UST: variants seen among roughly 807,000 people sequenced by gnomAD.
UST encodes chondroitin sulfate 2-O-sulfotransferase.
UST carries 21 observed loss-of-function variants against 45.6 expected under a neutral mutation model. The observed-to-expected ratio is 0.46, with a 90% confidence interval of 0.33 to 0.66. The LOEUF is 0.66. Ranked by LOEUF, UST falls within the 30% of genes least tolerant of loss-of-function variation. The pLI, the probability that UST is intolerant of heterozygous loss-of-function variation, is 0.02. For synonymous variants in UST, 215 were observed against 200.6 expected, an observed-to-expected ratio of 1.07 and a Z score of -0.61; for missense variants, 463 against 512.4, an observed-to-expected ratio of 0.90 and a Z score of 0.93.
rs80159417 is a variant in UST, at chr6:148,788,066, G to A, written c.247+40389G>A. On this transcript the variant is annotated intron_variant, in intron 1 of 7. Transcript: ENST00000367463. ...GGACTTACAGTTCCACATGGCTAGG[G>A]AGGCCTTACAATCATAGGGGAAGGT... 7.7e-3 allele frequency among the ~76,000 whole-genome samples: 1,168 copies of A among 152,294 alleles called. 16 individuals carry two copies. The highest frequency in any genetic ancestry group is 0.027 in the African/African-American group (1,103 of 41,558).
intron 7 of UST, among the ~76,000 whole-genome samples, chr6:149,024,910 C>A (rs1433095629): frequency 6.6e-6 from 1 of 151,858 alleles, no homozygotes; most frequent in Non-Finnish European, 1.5e-5. Flanking sequence ...ACACCACTGG[C>A]CATTTTTCTT....
At chr6:148,875,145 C>T (rs1471548653) in intron 1 of UST, among the ~76,000 whole-genome samples, 5 of 152,292 alleles carry the variant, frequency 3.3e-5, no homozygotes, top group East Asian at 1.9e-4. Flanking sequence ...CACAGTGTCA[C>T]GGCAGCTTCT....
intron 1 of UST, among the ~76,000 whole-genome samples, chr6:148,876,626 T>C (rs527368709): frequency 6.6e-6 from 1 of 152,144 alleles, no homozygotes; most frequent in African/African-American, 2.4e-5. Flanking sequence ...CTGAGGCTCC[T>C]TTTCACCATC....
At chr6:148,996,075 T>C (rs1184094369) in intron 5 of UST, among the ~76,000 whole-genome samples, 1 of 152,204 alleles carries the variant, frequency 6.6e-6, no homozygotes, top group Non-Finnish European at 1.5e-5. Context: ...CTACATTCAC[T>C]GAGTGTTATA....
chr6:148,756,126 G>C (rs1355150894), intron 1 of UST, among the ~76,000 whole-genome samples: 2 of 150,982 alleles, frequency 1.3e-5, no homozygotes, highest in Non-Finnish European at 2.9e-5. Flanking sequence ...TTGTCCTTGT[G>C]ATAGTTTGCT....
rs1776871291 is a variant in UST, at chr6:149,075,015, T to C, written c.*899T>C. 6.6e-6 allele frequency: 1 copy of C among 152,252 alleles called. No individual in the cohort carries two copies. Among genetic ancestry groups the C allele is most frequent in the Admixed American group, 6.5e-5 (1 of 15,278 alleles). The allele number at this position is 152,252 out of a possible 1,614,324, so 9.4% of individuals were successfully genotyped here. ...ACTCTAGCAGGGAAAATAATTTGTTTGCTGTGTAAGGAAGAATGTAGACAA... is the reference window on the plus strand; with the variant it reads ...ACTCTAGCAGGGAAAATAATTTGTTCGCTGTGTAAGGAAGAATGTAGACAA... On this transcript the variant is annotated 3_prime_UTR_variant, in exon 8 of 8. Transcript: ENST00000367463.
chr6:149,031,216 AAAAAAAAG>A (rs896554150), intron 7 of UST, among the ~76,000 whole-genome samples: 13 of 85,080 alleles, frequency 1.5e-4, no homozygotes, highest in African/African-American at 2.5e-4. Flanking sequence ...AAAAAAAAAA[AAAAAAAAG>A]TCTAAGCTGA....
intron 7 of UST, among the ~76,000 whole-genome samples, chr6:149,025,393 A>G (rs1038335868): frequency 2.6e-5 from 4 of 152,314 alleles, no homozygotes; most frequent in Admixed American, 2.6e-4. Context: ...TTAGGATAGT[A>G]AGTACTTGAG....
chr6:148,905,005 C>T (rs1779328839), intron 2 of UST, among the ~76,000 whole-genome samples: 1 of 152,200 alleles, frequency 6.6e-6, no homozygotes, highest in African/African-American at 2.4e-5. Context: ...TCCTACTCCT[C>T]CTAGTCCTCA....
chr6:148,837,529 C>G (rs76689841), intron 1 of UST, among the ~76,000 whole-genome samples: 1,978 of 152,280 alleles, frequency 0.013, 39 homozygotes, highest in African/African-American at 0.045. Context: ...AGGAAAGACT[C>G]TTTCTAACAA....
At chr6:148,772,417 C>T (rs1305558825) in intron 1 of UST, among the ~76,000 whole-genome samples, 4 of 150,420 alleles carry the variant, frequency 2.7e-5, no homozygotes, top group African/African-American at 9.7e-5. Context: ...CTTGGGTGGG[C>T]CCTTCTGACC....
chr6:148,997,303 A>G (rs1351990596), intron 5 of UST, among the ~76,000 whole-genome samples: 1 of 152,196 alleles, frequency 6.6e-6, no homozygotes, highest in Non-Finnish European at 1.5e-5. Flanking sequence ...TAGAAGAGAA[A>G]GAATCCAGGA....
At chr6:148,957,669 A>G (rs1393262536) in intron 4 of UST, among the ~76,000 whole-genome samples, 1 of 152,212 alleles carries the variant, frequency 6.6e-6, no homozygotes, top group East Asian at 1.9e-4. Context: ...TCATGGCCTC[A>G]AGTGATTTGC....
At chr6:148,996,457 G>T (rs1000170508) in intron 5 of UST, among the ~76,000 whole-genome samples, 33 of 152,326 alleles carry the variant, frequency 2.2e-4, no homozygotes, top group African/African-American at 7.2e-4. Context: ...GACCTCAGGT[G>T]ATCTGCCTGC....
rs527655060 is a variant in UST, at chr6:149,074,996, G to A, written c.*880G>A. The A allele has an allele frequency of 6.6e-6, 1 of 152,334 alleles. No individual in the cohort carries two copies. The highest frequency in any genetic ancestry group is 6.5e-5 in the Admixed American group (1 of 15,302). The allele number at this position is 152,334 out of a possible 1,614,324, so 9.4% of individuals were successfully genotyped here. ...TGCTGACAGATATCAAAGTACTCTA[G>A]CAGGGAAAATAATTTGTTTGCTGTG... On this transcript the variant is annotated 3_prime_UTR_variant, in exon 8 of 8. Transcript: ENST00000367463.
intron 4 of UST, among the ~76,000 whole-genome samples, chr6:148,960,282 T>G (rs1780625207): frequency 6.6e-6 from 1 of 152,010 alleles, no homozygotes; most frequent in Non-Finnish European, 1.5e-5. Context: ...AGAGCGAAAC[T>G]CCGTCTCAAA....
At chr6:148,843,517 C>T (rs972432696) in intron 1 of UST, among the ~76,000 whole-genome samples, 4 of 152,178 alleles carry the variant, frequency 2.6e-5, no homozygotes, top group Middle Eastern at 3.2e-3. Flanking sequence ...TTATTTACTT[C>T]GGTTCTGTCT....
chr6:148,817,012 G>C (rs186516208), intron 1 of UST, among the ~76,000 whole-genome samples: 1 of 152,168 alleles, frequency 6.6e-6, no homozygotes, highest in Non-Finnish European at 1.5e-5. Flanking sequence ...AGATTCCCGG[G>C]CCCCACTCCT....
chr6:149,056,458 C>T (rs987951967), intron 7 of UST, among the ~76,000 whole-genome samples: 2 of 152,200 alleles, frequency 1.3e-5, no homozygotes, highest in African/African-American at 4.8e-5. Flanking sequence ...TTTTCCCTCA[C>T]ATGGTCCTGG....
Sources: gnomAD v4.1 joint callset for allele counts (sites outside exome capture counted in the v4.1 genomes callset) on GRCh38, gnomAD v4.1.1 for gene constraint, MANE v1.5 for transcripts, NCBI Gene and HGNC (gene_info 2026-07-23, HGNC 2026-07-21) for gene names.